The following CRACR2A variants were observed in gnomAD, a reference collection of about 807,000 sequenced individuals.
CRACR2A encodes EF-hand calcium-binding domain-containing protein 4B.
CRACR2A carries 79 observed loss-of-function variants against 90.5 expected under a neutral mutation model. The ratio of observed to expected loss-of-function variants is 0.87; its 90% CI spans 0.73 to 1.05. CRACR2A has a LOEUF of 1.05. CRACR2A is among the 50% of genes least tolerant of loss of function. The pLI, the probability that CRACR2A is intolerant of heterozygous loss-of-function variation, is 0.00. For synonymous variants in CRACR2A, 338 were observed against 356.7 expected (o/e 0.95, Z 0.59); for missense variants, 823 against 897.2 (o/e 0.92, Z 1.06).
intron 4 of CRACR2A, among the ~76,000 whole-genome samples, chr12:3,694,794 T>C (rs958899432): frequency 6.6e-6 from 1 of 152,200 alleles, no homozygotes; most frequent in Non-Finnish European, 1.5e-5. Context: ...CCTGAAGAAC[T>C]AAGCATTTCA....
intron 8 of CRACR2A, among the ~76,000 whole-genome samples, chr12:3,657,354 G>A (rs758875920): frequency 6.6e-6 from 1 of 152,230 alleles, no homozygotes; most frequent in African/African-American, 2.4e-5. Flanking sequence ...TGGGGTTCCT[G>A]TCATATGGAA....
chr12:3,697,634 C>T (rs1318355435), intron 3 of CRACR2A, among the ~76,000 whole-genome samples: 1 of 152,218 alleles, frequency 6.6e-6, no homozygotes, highest in African/African-American at 2.4e-5. Context: ...GTGGAAAGCT[C>T]TCCTCAGGTG....
intron 4 of CRACR2A, among the ~76,000 whole-genome samples, chr12:3,681,112 C>G (rs1945442280): frequency 6.6e-6 from 1 of 152,190 alleles, no homozygotes; most frequent in East Asian, 1.9e-4. Flanking sequence ...GTCCCATTGC[C>G]TCAGCACTGC....
At position 3,640,596 on chromosome 12, in the gene CRACR2A, A is replaced by G. The variant is rs534310761; in HGVS notation, c.1271+1136T>C. 10 of 1,297,728 alleles carry G rather than the reference A, an allele frequency of 7.7e-6. No individual in the cohort carries two copies. In the Admixed American group the frequency reaches 2.3e-4, roughly 30 times the overall value. 80.4% of individuals were successfully genotyped at this position (1,297,728 alleles called of 1,614,324 possible). A position where few individuals can be genotyped will look rare whatever the true frequency, so the allele number is the denominator to read the frequency against. Reference sequence around the variant, plus strand: ...AGATTTGGCTCCCAAATTGTATCTCATTATTCAGCTATTTAGAACAAGAAT... The same window carrying G: ...AGATTTGGCTCCCAAATTGTATCTCGTTATTCAGCTATTTAGAACAAGAAT... On this transcript the variant is annotated intron_variant, in intron 13 of 19. Coordinates refer to ENST00000440314, the MANE Select transcript of CRACR2A (RefSeq NM_001144958.2).
rs577368972 is a variant in CRACR2A, at chr12:3,625,276, C to T, written c.1932+2160G>A. On this transcript the variant is annotated intron_variant, in intron 17 of 19. Coordinates refer to ENST00000440314, the MANE Select transcript of CRACR2A (RefSeq NM_001144958.2). ...ATGATTTCAGCCCCGTCCCACAAAG[C>T]AACGTCTCTGGAGGATGACTAAACT... Among the ~76,000 whole-genome samples the T allele has an allele frequency of 9.9e-5, 15 of 152,188 alleles. No homozygotes were observed. In the East Asian group the frequency reaches 2.3e-3, roughly 24 times the overall value.
intron 13 of CRACR2A, among the ~76,000 whole-genome samples, chr12:3,641,075 G>A (rs1345338431): frequency 6.6e-6 from 1 of 152,202 alleles, no homozygotes; most frequent in Non-Finnish European, 1.5e-5. Context: ...GCCGGGCACG[G>A]TGGCTCACAC....
intron 4 of CRACR2A, among the ~76,000 whole-genome samples, chr12:3,696,241 C>T (rs1048630039): frequency 2.0e-5 from 3 of 152,164 alleles, no homozygotes; most frequent in African/African-American, 7.2e-5. Flanking sequence ...AAAAGGCTGC[C>T]GGGCCCTGCA....
chr12:3,642,163 A>C (rs573628435), intron 12 of CRACR2A, among the ~76,000 whole-genome samples: 1 of 152,326 alleles, frequency 6.6e-6, no homozygotes, highest in Non-Finnish European at 1.5e-5. Flanking sequence ...TATTTTCTAT[A>C]CATATTTCTA....
intron 15 of CRACR2A, among the ~76,000 whole-genome samples, chr12:3,632,083 T>C (rs1944386060): frequency 6.6e-6 from 1 of 152,180 alleles, no homozygotes; most frequent in African/African-American, 2.4e-5. Context: ...GTTTAGCACC[T>C]TCCCTTTGGT....
chr12:3,647,957 AGTTT>A, intron 11 of CRACR2A: 1 of 985,406 alleles, frequency 1.0e-6, no homozygotes, highest in Non-Finnish European at 1.2e-6. Flanking sequence ...GTAAACTTTG[AGTTT>A]ATTGCTGGGG....
intron 4 of CRACR2A, among the ~76,000 whole-genome samples, chr12:3,691,374 G>C (rs1402934179): frequency 6.6e-6 from 1 of 152,120 alleles, no homozygotes; most frequent in African/African-American, 2.4e-5. Context: ...TTGTCTGAAA[G>C]GTATCTTAAT....
At chr12:3,618,319 A>G (rs1867735741) in intron 18 of CRACR2A, among the ~76,000 whole-genome samples, 1 of 152,228 alleles carries the variant, frequency 6.6e-6, no homozygotes, top group Non-Finnish European at 1.5e-5. Flanking sequence ...ACAGCACTCT[A>G]TAATCAAATA....
At chr12:3,648,274 A>C in intron 11 of CRACR2A, 1 of 1,372,966 alleles carries the variant, frequency 7.3e-7, no homozygotes, top group Non-Finnish European at 9.4e-7. Context: ...AGTACCAAGC[A>C]CAGTCCTGTG....
At chr12:3,621,938 G>A (rs1235877052) in intron 17 of CRACR2A, among the ~76,000 whole-genome samples, 2 of 152,088 alleles carry the variant, frequency 1.3e-5, no homozygotes, top group East Asian at 1.9e-4. Flanking sequence ...AACTATCACA[G>A]TCAGTCACCA....
chr12:3,712,371 A>G (rs552000617), intron 3 of CRACR2A, among the ~76,000 whole-genome samples: 4 of 152,378 alleles, frequency 2.6e-5, no homozygotes, highest in African/African-American at 9.6e-5. Context: ...CTATGCAAGC[A>G]TGGTGCGAAC....
At chr12:3,675,193 A>G (rs1945316077) in intron 6 of CRACR2A, among the ~76,000 whole-genome samples, 3 of 152,194 alleles carry the variant, frequency 2.0e-5, no homozygotes, top group Non-Finnish European at 2.9e-5. Context: ...CTGTGCTTGT[A>G]TAACAAGCAT....
chr12:3,659,144 G>A (rs1314486948), intron 8 of CRACR2A, among the ~76,000 whole-genome samples: 1 of 152,300 alleles, frequency 6.6e-6, no homozygotes, highest in East Asian at 1.9e-4. Context: ...GGGTGCATTT[G>A]CCATATAAAT....
At chr12:3,624,971 G>A (rs1170050992) in intron 17 of CRACR2A, among the ~76,000 whole-genome samples, 3 of 150,926 alleles carry the variant, frequency 2.0e-5, no homozygotes, top group Non-Finnish European at 3.0e-5. Flanking sequence ...ACCACTCTGG[G>A]AGAGAAGGCC....
In CRACR2A at chr12:3,661,906, C is replaced by A. The variant is rs188592888; in HGVS notation, c.672-2252G>T. Among the ~76,000 whole-genome samples the A allele has an allele frequency of 3.9e-5, 6 of 152,312 alleles. No individual in the cohort carries two copies. The East Asian group carries it at 1.2e-3, about 29-fold the overall frequency. On this transcript the variant is annotated intron_variant, in intron 7 of 19. Coordinates refer to ENST00000440314, the MANE Select transcript of CRACR2A (RefSeq NM_001144958.2). ...CGGCTTACTATTTATTTCTAATAAC[C>A]ATGCGGGGCATTAATTCTATAATAT... is the stretch of plus-strand genomic sequence containing the variant.
Sources: gnomAD v4.1 joint callset for allele counts (sites outside exome capture counted in the v4.1 genomes callset) on GRCh38, gnomAD v4.1.1 for gene constraint, MANE v1.5 for transcripts, NCBI Gene and HGNC (gene_info 2026-07-23, HGNC 2026-07-21) for gene names.